The following MYO1A variants were observed in gnomAD, a reference collection of about 807,000 sequenced individuals.
MYO1A encodes the protein myosin IA, also known as unconventional myosin-Ia.
Under a neutral mutation model 138.5 loss-of-function variants are expected in MYO1A, and 127 were observed. The observed-to-expected ratio is 0.92, with a 90% CI of 0.79 to 1.06. The LOEUF (loss-of-function observed/expected upper bound fraction) is 1.06. Among genes scored for constraint, MYO1A ranks in the 50% least tolerant of loss-of-function variants. The pLI, the probability that MYO1A is intolerant of heterozygous loss-of-function variation, is 0.00. For missense variants in MYO1A, 1,211 were observed against 1,288.8 expected, an observed-to-expected ratio of 0.94 and a Z score of 0.92; for synonymous variants, 477 against 497.5, an observed-to-expected ratio of 0.96 and a Z score of 0.55.
rs2030992913 is a variant in MYO1A at position 57,044,179 on chromosome 12, C to A, written c.671G>T (p.Gly224Val). 2.5e-6 allele frequency: 4 copies of A among 1,614,120 alleles called. No individual in the cohort carries two copies. The highest frequency in any genetic ancestry group is 2.5e-6 in the Non-Finnish European group (3 of 1,180,018). The change falls in exon 9 of 28, where the codon GGC (glycine) becomes GTC (valine). Residue 224 changes from glycine to valine, a missense_variant. Transcript: ENST00000300119. ...KALKLERDTT[G>V]YAYLNHEVSR... ...TACTTCATGATTCAGATAGGCATAG[C>A]CAGTTGTATCCCGCTCAAGCTTCAG...
At chr12:57,050,416 T>A (rs922170426), upstream of MYO1A, among the ~76,000 whole-genome samples, 2 of 152,220 alleles carry the variant, frequency 1.3e-5, no homozygotes, top group African/African-American at 4.8e-5. Flanking sequence ...CCAAGTGCGG[T>A]TGCTCATGCC....
intron 24 of MYO1A, 155 bp from the exon 25 acceptor site, chr12:57,030,027 C>T (rs1456334967): frequency 1.5e-6 from 2 of 1,364,148 alleles, no homozygotes; most frequent in Admixed American, 1.9e-5. Context: ...GACATCAGCA[C>T]CACCTGGGGA....
intron 8 of MYO1A, among the ~76,000 whole-genome samples, chr12:57,044,533 T>C (rs1362601515): frequency 2.6e-5 from 4 of 152,028 alleles, no homozygotes; most frequent in East Asian, 1.9e-4. Flanking sequence ...GGACTATGGG[T>C]GCATGCCACC....
chr12:57,031,740 CA>C (rs747906353), intron 22 of MYO1A, among the ~76,000 whole-genome samples: 4 of 152,352 alleles, frequency 2.6e-5, no homozygotes, highest in African/African-American at 4.8e-5. Context: ...GACCCTCGAA[CA>C]ACAAAGAGAG....
chr12:57,051,027 T>C (rs150358510), upstream of MYO1A: 103 of 152,358 alleles, frequency 6.8e-4, no homozygotes, highest in Middle Eastern at 3.4e-3. Context: ...CTCTGATAGA[T>C]AAGAAGTACC....
intron 10 of MYO1A, 83 bp from the exon 11 acceptor site, chr12:57,043,441 C>A: frequency 7.7e-7 from 1 of 1,298,210 alleles, no homozygotes; most frequent in South Asian, 1.2e-5. Context: ...GTGAAACTGC[C>A]TGAGACACTG....
chr12:57,029,257 C>T lies in MYO1A; in HGVS notation c.2880G>A (p.Met960Ile). ...DGLFSLHLSE[M>I]SSVGSKGDFL... ...AGTCCCCCTTGGAGCCCACCGATGA[C>T]ATCTTAGGAAGAGGGAAAAATAGCA... The change falls in exon 27 of 28, where the codon ATG becomes ATA. Residue 960 changes from methionine (M) to isoleucine (I), a missense_variant and splice_region_variant. Physicochemically the swap from Met to Ile is conservative, Grantham distance 10. Coordinates refer to ENST00000300119, the MANE Select transcript of MYO1A (RefSeq NM_005379.4). 6.2e-7 allele frequency: 1 copy of T among 1,614,054 alleles called. No individual in the cohort carries two copies. The highest frequency in any genetic ancestry group is 1.1e-5 in the South Asian group (1 of 91,072).
rs373335346 is a variant in MYO1A, at chr12:57,037,887, T to C, written c.1943A>G (p.His648Arg). 5 of 1,614,036 alleles carry C rather than the reference T, an allele frequency of 3.1e-6. No homozygotes were observed. The highest frequency in any genetic ancestry group is 1.3e-5 in the African/African-American group (1 of 74,928). ...GTCTTACCGGTCTCCCCCATTCCAG[T>C]GAGGCCAGGTGCTCCGGCTCAGCAA... ...YRLLSRSTWP[H>R]WNGGDREGVE... Residue 648 changes from histidine (H) to arginine (R), a missense_variant, in exon 18 of 28, where the codon CAC (histidine) becomes CGC (arginine). His to Arg is a conservative substitution (Grantham distance 29, BLOSUM62 0). Transcript: ENST00000300119.
At position 57,047,620 on chromosome 12, in the gene MYO1A, G is replaced by T. The variant is rs760178185; in HGVS notation, c.325+7C>A. 3 of 1,614,006 alleles carry T rather than the reference G, an allele frequency of 1.9e-6. No individual in the cohort carries two copies. Among genetic ancestry groups the T allele is most frequent in the Non-Finnish European group, 2.5e-6 (3 of 1,179,850 alleles). On this transcript the variant is annotated splice_region_variant and intron_variant, in intron 4 of 27. Coordinates refer to ENST00000300119, the MANE Select transcript of MYO1A (RefSeq NM_005379.4). ...ACTCCATGTGTTCCCCCAGCCAGGG[G>T]CCTCACCAGTCTTCCCTGATCCACT... is the stretch of plus-strand genomic sequence containing the variant.
intron 22 of MYO1A, among the ~76,000 whole-genome samples, chr12:57,033,927 G>A (rs2030411174): frequency 6.6e-6 from 1 of 152,220 alleles, no homozygotes; most frequent in South Asian, 2.1e-4. Flanking sequence ...GGCCTGTGAA[G>A]GCCTCCAAGA....
intron 19 of MYO1A, 108 bp downstream of exon 19, chr12:57,037,440 G>T: frequency 9.9e-7 from 1 of 1,011,216 alleles, no homozygotes; most frequent in Non-Finnish European, 1.6e-6. Flanking sequence ...CCATCCACTG[G>T]ACAGTGATCC....
At position 57,046,815 on chromosome 12, in the gene MYO1A, A is replaced by G. The variant is rs1297209503; in HGVS notation, c.541+48T>C. On this transcript the variant is annotated intron_variant, in intron 7 of 27. Transcript: ENST00000300119. ...CAGGAACAGATTAGCAGAAAGGGCC[A>G]TGGGAGGCAGGTGGAAGACAGGTGA... 8 of 1,594,460 alleles carry G rather than the reference A, an allele frequency of 5.0e-6. No individual in the cohort carries two copies. The East Asian group carries it at 1.8e-4, about 36-fold the overall frequency.
At chr12:57,030,856 T>C (rs982432164) in intron 23 of MYO1A, among the ~76,000 whole-genome samples, 184 bp downstream of exon 23, 1 of 152,138 alleles carries the variant, frequency 6.6e-6, no homozygotes, top group African/African-American at 2.4e-5. Flanking sequence ...CAGAACAACA[T>C]GAATGTCGCT....
rs1295210248 is a variant in MYO1A at position 57,030,199 on chromosome 12, G to T, written c.2591+11C>A. 6.2e-7 allele frequency: 1 copy of T among 1,604,790 alleles called. No homozygotes were observed. ...ATGGAACTGGCTGTGCAGGGTCTGG[G>T]AGGCCCTCACCTCTGGGGATATGAA... On this transcript the variant is annotated intron_variant, in intron 24 of 27. Coordinates refer to ENST00000300119, the MANE Select transcript of MYO1A (RefSeq NM_005379.4).
At chr12:57,033,400 C>A (rs1297549332) in intron 22 of MYO1A, among the ~76,000 whole-genome samples, 1 of 152,172 alleles carries the variant, frequency 6.6e-6, no homozygotes, top group Non-Finnish European at 1.5e-5. Context: ...GTCGCCCAGG[C>A]TGGAGTGCAG....
chr12:57,046,816 T>A, intron 7 of MYO1A, 47 bp downstream of exon 7: 1 of 1,593,854 alleles, frequency 6.3e-7, no homozygotes, highest in Non-Finnish European at 8.6e-7. Flanking sequence ...GAAAGGGCCA[T>A]GGGAGGCAGG....
At chr12:57,031,323 C>T in intron 22 of MYO1A, 149 bp from the exon 23 acceptor site, 1 of 978,236 alleles carries the variant, frequency 1.0e-6, no homozygotes, top group East Asian at 2.5e-5. Flanking sequence ...AGGGAGTCAC[C>T]TCTTGGATCT....
At position 57,037,616 on chromosome 12, in the gene MYO1A, C is replaced by G; in HGVS notation, c.1987G>C (p.Glu663Gln). 6.2e-7 allele frequency: 1 copy of G among 1,614,120 alleles called. No homozygotes were observed. The highest frequency in any genetic ancestry group is 8.5e-7 in the Non-Finnish European group (1 of 1,180,018). The change falls in exon 19 of 28, where the codon GAG becomes CAG. Residue 663 changes from glutamate to glutamine, a missense_variant. Physicochemically the swap from Glu to Gln is conservative, Grantham distance 29. Transcript: ENST00000300119. Reference protein sequence around the residue: ...DREGVEKVLGELSMSSGELAF... With the variant: ...DREGVEKVLGQLSMSSGELAF... ...AGCTCCCCCGAGGACATGCTCAGCTCCCCCAGGACCTTCTCAACACCTTCC... is the reference window on the plus strand; with the variant it reads ...AGCTCCCCCGAGGACATGCTCAGCTGCCCCAGGACCTTCTCAACACCTTCC...
At chr12:57,047,837 G>A in intron 3 of MYO1A, 116 bp from the exon 4 acceptor site, 5 of 1,563,666 alleles carry the variant, frequency 3.2e-6, no homozygotes, top group Non-Finnish European at 4.3e-6. Context: ...GACTGGGCAA[G>A]ATGTGACAGG....
Sources: gnomAD v4.1 joint callset for allele counts (sites outside exome capture counted in the v4.1 genomes callset) on GRCh38, gnomAD v4.1.1 for gene constraint, MANE v1.5 for transcripts, NCBI Gene and HGNC (gene_info 2026-07-23, HGNC 2026-07-21) for gene names.